The following CTNNA2 variants were observed in gnomAD, a reference collection of about 807,000 sequenced individuals.
CTNNA2 encodes the protein catenin alpha 2, also known as catenin alpha-2.
In CTNNA2, 42 loss-of-function variants were observed where a neutral mutation model predicts 101.0. The observed-to-expected ratio is 0.42, with a 90% CI of 0.32 to 0.54. The LOEUF (loss-of-function observed/expected upper bound fraction) is 0.54. CTNNA2 is among the 20% of genes least tolerant of loss of function. The pLI is 0.14. For synonymous variants in CTNNA2, 450 were observed against 456.4 expected, an observed-to-expected ratio of 0.99 and a Z score of 0.18; for missense variants, 871 against 1,223.1, an observed-to-expected ratio of 0.71 and a Z score of 4.29.
At chr2:80,024,390 G>C (rs779115468) in intron 7 of CTNNA2, among the ~76,000 whole-genome samples, 8 of 152,300 alleles carry the variant, frequency 5.3e-5, no homozygotes, top group Admixed American at 3.3e-4. Flanking sequence ...ACACTGCATT[G>C]AGTCTTGAGG....
chr2:79,927,777 G>A (rs142050768), intron 7 of CTNNA2, among the ~76,000 whole-genome samples: 8 of 152,248 alleles, frequency 5.3e-5, no homozygotes, highest in African/African-American at 1.9e-4. Context: ...TAGACTATTA[G>A]TGCTTTTGAT....
chr2:80,146,031 C>T (rs764767100), intron 7 of CTNNA2, among the ~76,000 whole-genome samples: 6 of 152,074 alleles, frequency 3.9e-5, no homozygotes, highest in Non-Finnish European at 7.3e-5. Context: ...AGGAGATCTG[C>T]GGTGGCTGCT....
intron 7 of CTNNA2, among the ~76,000 whole-genome samples, chr2:80,119,475 A>G (rs762490762): frequency 5.9e-5 from 9 of 152,190 alleles, no homozygotes; most frequent in Non-Finnish European, 1.0e-4. Flanking sequence ...TGTGTCTGTC[A>G]TACCACTAAT....
chr2:79,601,943 G>A (rs776299375), intron 1 of CTNNA2, among the ~76,000 whole-genome samples: 6 of 152,178 alleles, frequency 3.9e-5, no homozygotes, highest in South Asian at 2.1e-4. Context: ...CAGAACACTC[G>A]TGTTAGCCTA....
At chr2:79,207,796 G>A (rs565354387) in intron 2 of CTNNA2, among the ~76,000 whole-genome samples, 1 of 152,278 alleles carries the variant, frequency 6.6e-6, no homozygotes, top group Middle Eastern at 3.4e-3. Context: ...GATGATGGAG[G>A]AGTCCACCAG....
chr2:79,369,065 C>T (rs543492641), intron 3 of CTNNA2, among the ~76,000 whole-genome samples: 2 of 152,208 alleles, frequency 1.3e-5, no homozygotes, highest in African/African-American at 4.8e-5. Flanking sequence ...TGCTAATTCA[C>T]CCTGACCAAC....
chr2:79,927,419 A>G lies in CTNNA2; in HGVS notation c.1056+17622A>G, dbSNP rs751791207. 1.1e-4 allele frequency among the ~76,000 whole-genome samples: 16 copies of G among 152,286 alleles called. 1 individual carries two copies. Among genetic ancestry groups the G allele is most frequent in the Non-Finnish European group, 1.9e-4 (13 of 68,022 alleles). On this transcript the variant is annotated intron_variant, in intron 7 of 18. Coordinates refer to ENST00000402739, the MANE Select transcript of CTNNA2 (RefSeq NM_001282597.3). ...TACTAGTGGACTTTTAGGAAAGTAC[A>G]GATGGAAGACAATGGAGTCTGAACT...
chr2:79,185,971 T>C (rs2104148929), intron 1 of CTNNA2, among the ~76,000 whole-genome samples: 1 of 152,300 alleles, frequency 6.6e-6, no homozygotes, highest in South Asian at 2.1e-4. Flanking sequence ...CTGCATGTGT[T>C]TGGTAAGTTA....
intron 4 of CTNNA2, among the ~76,000 whole-genome samples, chr2:79,480,164 C>G (rs1671094064): frequency 6.6e-6 from 1 of 152,002 alleles, no homozygotes; most frequent in South Asian, 2.1e-4. Flanking sequence ...AATCAGCTCT[C>G]TGGGGAACTC....
At chr2:79,551,519 G>A (rs745335461) in intron 1 of CTNNA2, among the ~76,000 whole-genome samples, 9 of 152,126 alleles carry the variant, frequency 5.9e-5, no homozygotes, top group East Asian at 1.9e-4. Context: ...CTACACCTGC[G>A]TTAGTCCCAA....
intron 9 of CTNNA2, among the ~76,000 whole-genome samples, chr2:80,471,267 A>G (rs920479416): frequency 1.3e-5 from 2 of 152,224 alleles, no homozygotes; most frequent in Non-Finnish European, 2.9e-5. Context: ...GTTCTTATCC[A>G]TGAGAAAGCC....
chr2:80,080,535 AGCTTTGT>A (rs1699071027), intron 7 of CTNNA2, among the ~76,000 whole-genome samples: 1 of 152,194 alleles, frequency 6.6e-6, no homozygotes, highest in Non-Finnish European at 1.5e-5. Context: ...ATGGGAGAAT[AGCTTTGT>A]GACATTGGGA....
intron 7 of CTNNA2, among the ~76,000 whole-genome samples, chr2:79,954,188 C>T (rs532680532): frequency 6.6e-6 from 1 of 152,270 alleles, no homozygotes. Context: ...TGAGAATTCA[C>T]TCACTATCAT....
chr2:80,082,360 C>T (rs1375674039), intron 7 of CTNNA2, among the ~76,000 whole-genome samples: 1 of 152,140 alleles, frequency 6.6e-6, no homozygotes, highest in African/African-American at 2.4e-5. Flanking sequence ...AGAATGGGAG[C>T]ATAACTTATG....
chr2:79,637,363 C>T (rs1344997193), intron 1 of CTNNA2, among the ~76,000 whole-genome samples: 1 of 152,020 alleles, frequency 6.6e-6, no homozygotes, highest in Non-Finnish European at 1.5e-5. Flanking sequence ...GCCCCATCTT[C>T]TAATAAGGCA....
intron 9 of CTNNA2, among the ~76,000 whole-genome samples, chr2:80,471,878 G>A (rs1449891704): frequency 6.6e-6 from 1 of 152,118 alleles, no homozygotes; most frequent in Non-Finnish European, 1.5e-5. Flanking sequence ...TGTAATCACA[G>A]CGTTTAGGAG....
At chr2:80,536,117 T>A (rs1690991353) in intron 9 of CTNNA2, among the ~76,000 whole-genome samples, 1 of 152,210 alleles carries the variant, frequency 6.6e-6, no homozygotes, top group Non-Finnish European at 1.5e-5. Context: ...ATAGGAGTCA[T>A]GTTCTGTAGG....
At chr2:80,434,676 A>G (rs1306371626) in intron 9 of CTNNA2, among the ~76,000 whole-genome samples, 1 of 151,830 alleles carries the variant, frequency 6.6e-6, no homozygotes, top group Non-Finnish European at 1.5e-5. Context: ...CATGATGCCT[A>G]GGCTGGTCTG....
At chr2:79,202,242 G>C (rs75210924) in intron 2 of CTNNA2, among the ~76,000 whole-genome samples, 18,753 of 152,116 alleles carry the variant, frequency 0.12, 1,261 homozygotes, top group Middle Eastern at 0.19. Context: ...TTCTTCTTTA[G>C]CTTGGTGATT....
Sources: gnomAD v4.1 joint callset for allele counts (sites outside exome capture counted in the v4.1 genomes callset) on GRCh38, gnomAD v4.1.1 for gene constraint, MANE v1.5 for transcripts, NCBI Gene and HGNC (gene_info 2026-07-23, HGNC 2026-07-21) for gene names.